CADM2: variants seen among roughly 807,000 people sequenced by gnomAD.
CADM2 encodes the protein cell adhesion molecule 2.
Under a neutral mutation model 49.8 loss-of-function variants are expected in CADM2, and 12 were observed. That is an observed-to-expected ratio of 0.24 (90% confidence interval 0.15 to 0.39). The LOEUF (loss-of-function observed/expected upper bound fraction) is 0.39. Among genes scored for constraint, CADM2 ranks in the 10% least tolerant of loss-of-function variants. The probability of loss-of-function intolerance (pLI) is 1.00; values close to 1 mark genes in which losing one functional copy is unlikely to be tolerated. For synonymous variants in CADM2, 214 were observed against 175.4 expected (o/e 1.22, Z -1.74); for missense variants, 378 against 492.3 (o/e 0.77, Z 2.20).
At chr3:85,271,680 C>A (rs1356677004) in intron 1 of CADM2, among the ~76,000 whole-genome samples, 1 of 150,618 alleles carries the variant, frequency 6.6e-6, no homozygotes, top group Non-Finnish European at 1.5e-5. Flanking sequence ...TCAGTCATTC[C>A]CAGACTTTAG....
chr3:85,363,117 A>C (rs1001930652), intron 1 of CADM2, among the ~76,000 whole-genome samples: 1 of 152,324 alleles, frequency 6.6e-6, no homozygotes, highest in African/African-American at 2.4e-5. Flanking sequence ...GCTACACAGC[A>C]CTGCACAGGA....
At chr3:85,768,463 A>G (rs1282446563) in intron 2 of CADM2, among the ~76,000 whole-genome samples, 6 of 103,262 alleles carry the variant, frequency 5.8e-5, no homozygotes, top group African/African-American at 1.9e-4. Context: ...ATAAATAAAT[A>G]AATAAATAAT....
chr3:85,380,714 T>C (rs1409697208), intron 1 of CADM2, among the ~76,000 whole-genome samples: 1 of 151,930 alleles, frequency 6.6e-6, no homozygotes, highest in African/African-American at 2.4e-5. Flanking sequence ...TAGATATTTG[T>C]GAATAATTTG....
chr3:85,016,614 G>A (rs560175805), intron 1 of CADM2, among the ~76,000 whole-genome samples: 7 of 152,132 alleles, frequency 4.6e-5, no homozygotes, highest in African/African-American at 7.2e-5. Context: ...CCAACACAGC[G>A]AAACCCTGCC....
intron 1 of CADM2, among the ~76,000 whole-genome samples, chr3:85,060,453 A>T (rs1325624026): frequency 1.3e-5 from 2 of 152,178 alleles, no homozygotes. Flanking sequence ...CTGGTTTTGC[A>T]TTCCTGCTTA....
At chr3:85,325,910 A>G (rs1340371799) in intron 1 of CADM2, among the ~76,000 whole-genome samples, 2 of 152,176 alleles carry the variant, frequency 1.3e-5, no homozygotes, top group East Asian at 1.9e-4. Flanking sequence ...TCCTCAAGCG[A>G]CTTACATCTT....
At chr3:85,723,287 T>C (rs1341695018) in intron 1 of CADM2, among the ~76,000 whole-genome samples, 3 of 152,196 alleles carry the variant, frequency 2.0e-5, no homozygotes, top group Admixed American at 2.0e-4. Context: ...AACTTTTCTC[T>C]GGTCAAAGTA....
intron 1 of CADM2, among the ~76,000 whole-genome samples, chr3:85,518,817 C>T (rs769834945): frequency 1.3e-5 from 2 of 152,060 alleles, no homozygotes; most frequent in African/African-American, 2.4e-5. Flanking sequence ...CTGGGATAAT[C>T]TCTTCATCTC....
intron 1 of CADM2, among the ~76,000 whole-genome samples, chr3:85,098,621 T>C (rs2037894130): frequency 6.6e-6 from 1 of 152,254 alleles, no homozygotes; most frequent in South Asian, 2.1e-4. Context: ...GCTAAAAGAA[T>C]GTAAGGCTAC....
In CADM2 at chr3:86,071,797, T is replaced by C. The variant is rs1178889830; in HGVS notation, c.*5014T>C. On this transcript the variant is annotated 3_prime_UTR_variant, in exon 10 of 10. Coordinates refer to ENST00000383699, the MANE Select transcript of CADM2 (RefSeq NM_001167675.2). Reference sequence around the variant, plus strand: ...AAATATTATAACTTTATAAGAATAGTCCTTCTCCTGCCTATTTAATATTTC... The same window carrying C: ...AAATATTATAACTTTATAAGAATAGCCCTTCTCCTGCCTATTTAATATTTC... The C allele has an allele frequency of 6.6e-6, 1 of 151,958 alleles. No individual in the cohort carries two copies. The highest frequency in any genetic ancestry group is 1.5e-5 in the Non-Finnish European group (1 of 67,886). The allele number at this position is 151,958 out of a possible 1,614,324, so 9.4% of individuals were successfully genotyped here.
intron 1 of CADM2, among the ~76,000 whole-genome samples, chr3:85,628,175 A>T (rs1388297858): frequency 6.6e-6 from 1 of 152,052 alleles, no homozygotes; most frequent in Non-Finnish European, 1.5e-5. Context: ...AATAGTTTGT[A>T]ACTTGGAAAA....
Position 85,572,299 on chromosome 3 carries a change from A to T in CADM2, c.62-154223A>T, listed in dbSNP as rs561415183. On this transcript the variant is annotated intron_variant, in intron 1 of 9. Transcript: ENST00000383699. ...AAGACTCTGTGTAAAAAGTAAATAA[A>T]AAATAAATAAACTTCATGTGAATTT... Among the ~76,000 whole-genome samples the T allele has an allele frequency of 4.6e-5, 7 of 152,258 alleles. 1 individual carries two copies. In the South Asian group the frequency reaches 1.5e-3, roughly 32 times the overall value.
chr3:85,141,670 G>T (rs1452834427), intron 1 of CADM2, among the ~76,000 whole-genome samples: 2 of 152,048 alleles, frequency 1.3e-5, no homozygotes, highest in Non-Finnish European at 1.5e-5. Context: ...CATTTTTTAT[G>T]AATATAGATA....
intron 1 of CADM2, among the ~76,000 whole-genome samples, chr3:85,258,723 G>A (rs1436824866): frequency 6.6e-6 from 1 of 152,000 alleles, no homozygotes; most frequent in Non-Finnish European, 1.5e-5. Context: ...TAGAAGTTGG[G>A]CTCTATCATA....
chr3:85,009,009 T>C (rs1690808894), intron 1 of CADM2, among the ~76,000 whole-genome samples: 1 of 152,172 alleles, frequency 6.6e-6, no homozygotes, highest in Non-Finnish European at 1.5e-5. Context: ...TTGCCATAGT[T>C]CTGGTTTTCA....
intron 1 of CADM2, among the ~76,000 whole-genome samples, chr3:85,586,488 A>G (rs1420635920): frequency 6.6e-6 from 1 of 152,144 alleles, no homozygotes; most frequent in Non-Finnish European, 1.5e-5. Flanking sequence ...ATTTCATAAT[A>G]CAGTTGCTAT....
Position 86,065,710 on chromosome 3 carries a change from G to A in CADM2, c.1076G>A (p.Arg359Gln), listed in dbSNP as rs1357685371. The A allele has an allele frequency of 1.9e-6, 3 of 1,613,746 alleles. No individual in the cohort carries two copies. Among genetic ancestry groups the A allele is most frequent in the African/African-American group, 1.3e-5 (1 of 74,896 alleles). The change falls in exon 9 of 10, where the codon CGA becomes CAA. Residue 359 changes from arginine to glutamine, a missense_variant. Arg to Gln is a conservative substitution (Grantham distance 43). Coordinates refer to ENST00000383699, the MANE Select transcript of CADM2 (RefSeq NM_001167675.2). The stretch of plus-strand genomic sequence containing the variant: ...CTGTGTTCTATCTTTCTGCTTGGTC[G>A]ATATCTGGCAAGGCATAAAGGTACG... ...VTLCSIFLLG[R>Q]YLARHKGTYL...
At chr3:85,335,666 T>G (rs1260216617) in intron 1 of CADM2, among the ~76,000 whole-genome samples, 1 of 151,468 alleles carries the variant, frequency 6.6e-6, no homozygotes, top group Admixed American at 6.6e-5. Flanking sequence ...ATAACAAAGT[T>G]TATAGCTTCT....
At position 85,242,947 on chromosome 3, in the gene CADM2, T is replaced by G. The variant is rs189256126; in HGVS notation, c.61+283279T>G. 2.6e-3 allele frequency among the ~76,000 whole-genome samples: 389 copies of G among 151,910 alleles called. 1 individual carries two copies. Among genetic ancestry groups the G allele is most frequent in the Non-Finnish European group, 4.0e-3 (273 of 67,740 alleles). On this transcript the variant is annotated intron_variant, in intron 1 of 9. Transcript: ENST00000383699. ...AGGACCATAATGTTTACTCAAAAATTATATTTTAAATGGATAAAAATAACT... is the reference window on the plus strand; with the variant it reads ...AGGACCATAATGTTTACTCAAAAATGATATTTTAAATGGATAAAAATAACT...
Sources: allele counts gnomAD v4.1 joint callset (sites outside exome capture counted in the v4.1 genomes callset), GRCh38; gene constraint gnomAD v4.1.1; transcripts MANE v1.5; gene names NCBI Gene and HGNC (gene_info 2026-07-23, HGNC 2026-07-21).